Variants in PPP4R2 observed in about 807,000 individuals in gnomAD.
PPP4R2 encodes protein phosphatase 4 regulatory subunit 2.
Under a neutral mutation model 47.2 loss-of-function variants are expected in PPP4R2, and 13 were observed. That is an observed-to-expected ratio of 0.28 (90% CI 0.18 to 0.44). The LOEUF is 0.44. Among genes scored for constraint, PPP4R2 ranks in the 20% least tolerant of loss-of-function variants. The pLI, the probability that PPP4R2 is intolerant of heterozygous loss-of-function variation, is 1.00. For synonymous variants in PPP4R2, 151 were observed against 163.3 expected, an observed-to-expected ratio of 0.92 and a Z score of 0.57; for missense variants, 421 against 491.2, an observed-to-expected ratio of 0.86 and a Z score of 1.35.
At chr3:72,999,777 T>G (rs1036479319) in intron 2 of PPP4R2, among the ~76,000 whole-genome samples, 1 of 152,244 alleles carries the variant, frequency 6.6e-6, no homozygotes, top group African/African-American at 2.4e-5. Context: ...ATTCGGTGTT[T>G]ATGTATTCAC....
intron 2 of PPP4R2, among the ~76,000 whole-genome samples, chr3:73,015,482 T>A (rs1701809327): frequency 3.3e-5 from 1 of 30,114 alleles, no homozygotes; most frequent in Non-Finnish European, 6.9e-5. Context: ...GCCTACTGTC[T>A]TTTTTTTTTT....
rs1703000881 is a variant in PPP4R2, at chr3:73,066,552, G to C, written c.*830G>C. ...TTATGAGAAAATATGCTTTATCTTGGAAATTGTGTTCAAATGTTAGCTTAC... is the reference window on the plus strand; with the variant it reads ...TTATGAGAAAATATGCTTTATCTTGCAAATTGTGTTCAAATGTTAGCTTAC... On this transcript the variant is annotated 3_prime_UTR_variant, in exon 9 of 9. Coordinates refer to ENST00000356692, the MANE Select transcript of PPP4R2 (RefSeq NM_174907.4). The C allele has an allele frequency of 6.6e-6, 1 of 152,012 alleles. No homozygotes were observed. The allele number at this position is 152,012 out of a possible 1,614,324, so 9.4% of individuals were successfully genotyped here.
chr3:73,065,995 A>C lies in PPP4R2; in HGVS notation c.*273A>C, dbSNP rs1395146145. 5.1e-5 allele frequency: 8 copies of C among 156,310 alleles called. No individual in the cohort carries two copies. Among genetic ancestry groups the C allele is most frequent in the Non-Finnish European group, 9.6e-5 (8 of 83,110 alleles). The allele number at this position is 156,310 out of a possible 1,614,324, so 9.7% of individuals were successfully genotyped here. ...TGTGTATAGATTTTTTTTTTTTTTT[A>C]ATTTAGGATTGAAGTTTTTAAACTG... On this transcript the variant is annotated 3_prime_UTR_variant, in exon 9 of 9. Coordinates refer to ENST00000356692, the MANE Select transcript of PPP4R2 (RefSeq NM_174907.4).
chr3:73,018,172 T>C (rs988210789), intron 2 of PPP4R2, among the ~76,000 whole-genome samples: 10 of 152,172 alleles, frequency 6.6e-5, no homozygotes, highest in Non-Finnish European at 1.5e-4. Flanking sequence ...CAGGCAGATA[T>C]ACACTTGACC....
At chr3:73,040,192 G>A (rs1247481544) in intron 2 of PPP4R2, among the ~76,000 whole-genome samples, 1 of 152,170 alleles carries the variant, frequency 6.6e-6, no homozygotes, top group Non-Finnish European at 1.5e-5. Flanking sequence ...TAGCAATGAA[G>A]GAAATGTAAA....
chr3:73,065,419 A>C lies in PPP4R2; in HGVS notation c.951A>C (p.Glu317Asp), dbSNP rs1559572371. 1 of 1,601,784 alleles carries C rather than the reference A, an allele frequency of 6.2e-7. No individual in the cohort carries two copies. The highest frequency in any genetic ancestry group is 8.5e-7 in the Non-Finnish European group (1 of 1,174,712). Residue 317 changes from glutamate (E) to aspartate (D), a missense_variant, in exon 9 of 9, where the codon GAA becomes GAC. By Grantham distance (45) the Glu-to-Asp change is conservative. Transcript: ENST00000356692. ...TAGAGTCTTTTATGACATCAAGAGA[A>C]ATGATCCCAGAAAGAAAAAATCAAG... is the stretch of plus-strand genomic sequence containing the variant. ...EEEESFMTSR[E>D]MIPERKNQEK...
intron 3 of PPP4R2, among the ~76,000 whole-genome samples, chr3:73,057,251 G>A (rs921034171): frequency 3.3e-5 from 5 of 152,106 alleles, no homozygotes. Flanking sequence ...TTAGTTTTGT[G>A]TATTAGCTAT....
At chr3:73,035,450 G>A (rs1238216373) in intron 2 of PPP4R2, among the ~76,000 whole-genome samples, 3 of 152,054 alleles carry the variant, frequency 2.0e-5, no homozygotes, top group Non-Finnish European at 2.9e-5. Context: ...GCAGAAAAAG[G>A]GAAACACTAG....
intron 2 of PPP4R2, among the ~76,000 whole-genome samples, chr3:73,001,506 T>A (rs1341474871): frequency 6.6e-6 from 1 of 152,150 alleles, no homozygotes; most frequent in Non-Finnish European, 1.5e-5. Context: ...CCTGGGAGGT[T>A]GAGGCTGCAG....
chr3:73,053,746 A>G (rs888713924), intron 3 of PPP4R2, among the ~76,000 whole-genome samples: 1 of 151,254 alleles, frequency 6.6e-6, no homozygotes, highest in Non-Finnish European at 1.5e-5. Context: ...CGTCTCTACT[A>G]AAAATACAAA....
rs1267994539 is a variant in PPP4R2, at chr3:72,997,060, A to T, written c.23A>T (p.Glu8Val). Residue 8 changes from glutamate to valine, a missense_variant, in exon 1 of 9, where the codon GAG (glutamate) becomes GTG (valine). Glu to Val is a moderately radical substitution (Grantham distance 121, BLOSUM62 -2). Transcript: ENST00000356692. MDVERLQ[E>V]ALKDFEKRGK... ...GCCATGGACGTCGAGAGGCTCCAGG[A>T]GGCGCTGAAAGGTGGGGGTAGCTGC... 1 of 1,405,728 alleles carries T rather than the reference A, an allele frequency of 7.1e-7. No homozygotes were observed. Among genetic ancestry groups the T allele is most frequent in the Admixed American group, 2.5e-5 (1 of 39,332 alleles). The allele number at this position is 1,405,728 out of a possible 1,614,324, so 87.1% of individuals were successfully genotyped here.
intron 2 of PPP4R2, among the ~76,000 whole-genome samples, chr3:73,014,587 T>TG (rs1265773346): frequency 6.6e-6 from 1 of 152,176 alleles, no homozygotes; most frequent in East Asian, 1.9e-4. Context: ...CATGAGCCAT[T>TG]GTGCAGAGCC....
At chr3:73,032,810 A>G (rs1201520012) in intron 2 of PPP4R2, among the ~76,000 whole-genome samples, 2 of 152,178 alleles carry the variant, frequency 1.3e-5, no homozygotes, top group East Asian at 1.9e-4. Context: ...AGCATTCAAT[A>G]TATACGTTGT....
At chr3:73,009,823 A>G (rs970287407) in intron 2 of PPP4R2, among the ~76,000 whole-genome samples, 2 of 152,226 alleles carry the variant, frequency 1.3e-5, no homozygotes, top group African/African-American at 4.8e-5. Flanking sequence ...GGAAAACATT[A>G]TATGTTGAGA....
At chr3:73,063,141 C>G (rs2630634) in intron 5 of PPP4R2, 4 of 503,190 alleles carry the variant, frequency 7.9e-6, no homozygotes, top group Non-Finnish European at 1.1e-5. Flanking sequence ...CGGCAAACTA[C>G]TGGGCCAAGA....
intron 1 of PPP4R2, 171 bp downstream of exon 1, chr3:72,997,242 C>G (rs1701366174): frequency 4.5e-6 from 2 of 443,722 alleles, no homozygotes; most frequent in Non-Finnish European, 7.9e-6. Flanking sequence ...GTGGGCAGCT[C>G]TCTCCCGCCC....
At chr3:73,058,696 T>C (rs1170263680) in intron 3 of PPP4R2, among the ~76,000 whole-genome samples, 1 of 152,116 alleles carries the variant, frequency 6.6e-6, no homozygotes, top group Non-Finnish European at 1.5e-5. Context: ...TATTTTAAAA[T>C]GTACGATAAA....
intron 3 of PPP4R2, among the ~76,000 whole-genome samples, chr3:73,055,824 C>T (rs1702721407): frequency 1.3e-5 from 2 of 152,062 alleles, no homozygotes; most frequent in Non-Finnish European, 2.9e-5. Context: ...CAGGCTGGTT[C>T]TTGAACTCCT....
chr3:73,044,527 A>G (rs9879662), intron 2 of PPP4R2, among the ~76,000 whole-genome samples: 11,461 of 152,228 alleles, frequency 0.075, 616 homozygotes, highest in African/African-American at 0.15. Context: ...CAGAGGTTGC[A>G]GTGAGCCGAG....
Sources: gnomAD v4.1 joint callset for allele counts (sites outside exome capture counted in the v4.1 genomes callset) on GRCh38, gnomAD v4.1.1 for gene constraint, MANE v1.5 for transcripts, NCBI Gene and HGNC (gene_info 2026-07-23, HGNC 2026-07-21) for gene names.